The following SBF2 variants were observed in gnomAD, a reference collection of about 807,000 sequenced individuals.
SBF2 encodes myotubularin-related protein 13.
SBF2 carries 112 observed loss-of-function variants against 225.2 expected under a neutral mutation model. That is an observed-to-expected ratio of 0.50 (90% CI 0.43 to 0.58). The LOEUF (loss-of-function observed/expected upper bound fraction) is 0.58, where lower values mean the gene tolerates loss of function less well. SBF2 is among the 20% of genes least tolerant of loss of function. The pLI, the probability that SBF2 is intolerant of heterozygous loss-of-function variation, is 0.00. For synonymous variants in SBF2, 763 were observed against 773.3 expected, an observed-to-expected ratio of 0.99 and a Z score of 0.22; for missense variants, 1,996 against 2,206.2, an observed-to-expected ratio of 0.90 and a Z score of 1.91.
intron 17 of SBF2, among the ~76,000 whole-genome samples, chr11:9,878,210 T>C (rs1859442723): frequency 6.6e-6 from 1 of 152,268 alleles, no homozygotes; most frequent in South Asian, 2.1e-4. Flanking sequence ...GAGAAGTGTC[T>C]GTTCATATCC....
Position 10,294,050 on chromosome 11 carries a change from T to C in SBF2, c.20A>G (p.Tyr7Cys). 7.1e-7 allele frequency: 1 copy of C among 1,399,338 alleles called. No homozygotes were observed. The allele number at this position is 1,399,338 out of a possible 1,614,324, so 86.7% of individuals were successfully genotyped here. MARLAD[Y>C]FIVVGYDHEK... is the part of the protein sequence containing the mutation. ...GTGGTCATAGCCTACCACGATGAAG[T>C]AGTCAGCCAGCCGGGCCATGGCCGC... Residue 7 changes from tyrosine (Y) to cysteine (C), a missense_variant, in exon 1 of 40, where the codon TAC becomes TGC. By Grantham distance (194) the Tyr-to-Cys change is radical. Transcript: ENST00000256190.
chr11:10,071,067 C>A (rs190053552), intron 2 of SBF2, among the ~76,000 whole-genome samples: 1 of 152,054 alleles, frequency 6.6e-6, no homozygotes. Context: ...TGGGCTGAGA[C>A]GATGGTGTTT....
chr11:10,180,735 A>T (rs1351901853), intron 2 of SBF2, among the ~76,000 whole-genome samples: 1 of 152,032 alleles, frequency 6.6e-6, no homozygotes, highest in African/African-American at 2.4e-5. Context: ...TATTTTCTAG[A>T]TCTTGTAGGT....
chr11:10,231,352 G>T (rs915484600), intron 1 of SBF2, among the ~76,000 whole-genome samples: 1 of 152,174 alleles, frequency 6.6e-6, no homozygotes, highest in Non-Finnish European at 1.5e-5. Flanking sequence ...TGCTGGTGAG[G>T]AGCTGCGTTC....
chr11:9,901,622 A>G (rs1393377038), intron 16 of SBF2, among the ~76,000 whole-genome samples: 1 of 152,008 alleles, frequency 6.6e-6, no homozygotes, highest in African/African-American at 2.4e-5. Flanking sequence ...TACCCTATAA[A>G]CCATAAAATC....
At chr11:10,262,330 T>A (rs1038809222) in intron 1 of SBF2, among the ~76,000 whole-genome samples, 9 of 152,310 alleles carry the variant, frequency 5.9e-5, no homozygotes, top group Admixed American at 5.9e-4. Context: ...ATAAATTCTT[T>A]CAACTTCGTT....
chr11:10,029,964 T>C, intron 4 of SBF2, 89 bp from the exon 5 acceptor site: 1 of 887,420 alleles, frequency 1.1e-6, no homozygotes, highest in Non-Finnish European at 1.9e-6. Context: ...GATTTCTCTT[T>C]GAACCCAGTA....
chr11:9,919,548 G>T lies in SBF2; in HGVS notation c.1861-23537C>A, dbSNP rs2134217650. 2.0e-5 allele frequency among the ~76,000 whole-genome samples: 3 copies of T among 151,966 alleles called. 1 individual carries two copies. The Middle Eastern group carries it at 0.01, about 517-fold the overall frequency. Reference sequence around the variant, plus strand: ...GAGCAAGCAGGGGGTACGTGACTGGGGGCTGCATGCACCGGTAATTAGGTC... The same window carrying T: ...GAGCAAGCAGGGGGTACGTGACTGGTGGCTGCATGCACCGGTAATTAGGTC... On this transcript the variant is annotated intron_variant, in intron 16 of 39. Transcript: ENST00000256190.
chr11:9,903,066 A>C lies in SBF2; in HGVS notation c.1861-7055T>G, dbSNP rs189372009. 3.3e-5 allele frequency among the ~76,000 whole-genome samples: 5 copies of C among 152,302 alleles called. No individual in the cohort carries two copies. In the East Asian group the frequency reaches 9.6e-4, roughly 29 times the overall value. On this transcript the variant is annotated intron_variant, in intron 16 of 39. Coordinates refer to ENST00000256190, the MANE Select transcript of SBF2 (RefSeq NM_030962.4). ...GCCGTGCGCGGTGACTCACGCCTGT[A>C]ATCCCAGCACTTTGGGAGGCTGAGG... is the stretch of plus-strand genomic sequence containing the variant.
intron 1 of SBF2, among the ~76,000 whole-genome samples, chr11:10,194,269 C>T (rs1456222402): frequency 1.3e-5 from 2 of 151,908 alleles, no homozygotes; most frequent in Non-Finnish European, 2.9e-5. Context: ...TTTAAAAATG[C>T]AAATCTTAAA....
At chr11:9,896,720 T>G (rs1349431533) in intron 16 of SBF2, among the ~76,000 whole-genome samples, 2 of 135,058 alleles carry the variant, frequency 1.5e-5, no homozygotes, top group African/African-American at 2.8e-5. Context: ...ACCCGGGAGG[T>G]GGAGGTTGCA....
At chr11:10,028,393 T>A in intron 6 of SBF2, 59 bp downstream of exon 6, 1 of 1,086,592 alleles carries the variant, frequency 9.2e-7, no homozygotes, top group Admixed American at 1.7e-5. Flanking sequence ...CGACTTAAAA[T>A]AAATCCTTTA....
intron 32 of SBF2, among the ~76,000 whole-genome samples, chr11:9,807,511 T>C (rs1853919124): frequency 6.6e-6 from 1 of 152,212 alleles, no homozygotes; most frequent in Non-Finnish European, 1.5e-5. Context: ...CCATGGTATA[T>C]ATGTACCACA....
chr11:10,267,954 T>C (rs115803011), intron 1 of SBF2, among the ~76,000 whole-genome samples: 3,210 of 152,264 alleles, frequency 0.021, 87 homozygotes, highest in African/African-American at 0.063. Flanking sequence ...AACTCCAATC[T>C]CATGTGGATT....
At position 9,992,538 on chromosome 11, in the gene SBF2, T is replaced by C. The variant is rs79470805; in HGVS notation, c.1173A>G (p.Ala391=). The C allele has an allele frequency of 8.9e-3, 14,359 of 1,610,934 alleles. 117 individuals carry two copies. Among genetic ancestry groups the C allele is most frequent in the Middle Eastern group, 0.045 (270 of 6,044 alleles). Residue 391 remains alanine (A), a synonymous_variant, in exon 12 of 40, where the codon GCA becomes GCG. Coordinates refer to ENST00000256190, the MANE Select transcript of SBF2 (RefSeq NM_030962.4). ...AEPVIHFHKT[A]FLGQRGLVEN... is the part of the protein sequence containing the mutation. ...CGACCAAACCACGCTGCCCCAAGAATGCTGTCTGTGAAAAAAGAAAATGTG... is the reference window on the plus strand; with the variant it reads ...CGACCAAACCACGCTGCCCCAAGAACGCTGTCTGTGAAAAAAGAAAATGTG...
intron 2 of SBF2, among the ~76,000 whole-genome samples, chr11:10,184,496 A>G (rs1041494406): frequency 7.2e-5 from 11 of 152,236 alleles, no homozygotes; most frequent in African/African-American, 2.7e-4. Context: ...CATCTTAACA[A>G]TCTTAAGTGG....
In SBF2 at chr11:9,790,667, A is replaced by C; in HGVS notation, c.4587T>G (p.Asp1529Glu). The C allele has an allele frequency of 6.3e-7, 1 of 1,580,758 alleles. No individual in the cohort carries two copies. Among genetic ancestry groups the C allele is most frequent in the Admixed American group, 1.7e-5 (1 of 59,368 alleles). The change falls in exon 34 of 40, where the codon GAT becomes GAG. Residue 1529 changes from aspartate to glutamate, a missense_variant. By Grantham distance (45) the Asp-to-Glu change is conservative. Coordinates refer to ENST00000256190, the MANE Select transcript of SBF2 (RefSeq NM_030962.4). ...ERLEHGTLFD[D>E]KGEKHAKKGV... ...CTTTTTTGGCATGCTTTTCTCCTTT[A>C]TCATCAAATAAAGTTCCTGTAGATT... is the stretch of plus-strand genomic sequence containing the variant.
At position 9,848,590 on chromosome 11, in the gene SBF2, T is replaced by C. The variant is rs368839730; in HGVS notation, c.2806+1433A>G. Among the ~76,000 whole-genome samples, 4 of 152,374 alleles carry C rather than the reference T, an allele frequency of 2.6e-5. No homozygotes were observed. The East Asian group carries it at 7.7e-4, about 29-fold the overall frequency. On this transcript the variant is annotated intron_variant, in intron 22 of 39. Transcript: ENST00000256190. ...TTCAAAATAAATAAATTACAGCAATTTAAATGACCACATAAGTATCACGTT... is the reference window on the plus strand; with the variant it reads ...TTCAAAATAAATAAATTACAGCAATCTAAATGACCACATAAGTATCACGTT...
At chr11:10,057,032 G>A (rs1218250745) in intron 2 of SBF2, among the ~76,000 whole-genome samples, 1 of 152,154 alleles carries the variant, frequency 6.6e-6, no homozygotes, top group Non-Finnish European at 1.5e-5. Flanking sequence ...CAACAGGTCT[G>A]TACCTCCCTG....
Sources: allele counts gnomAD v4.1 joint callset (sites outside exome capture counted in the v4.1 genomes callset), GRCh38; gene constraint gnomAD v4.1.1; transcripts MANE v1.5; gene names NCBI Gene and HGNC (gene_info 2026-07-23, HGNC 2026-07-21).